PSD3: variants seen among roughly 807,000 people sequenced by gnomAD.
The protein encoded by PSD3 is PH and SEC7 domain-containing protein 3.
PSD3 carries 49 observed loss-of-function variants against 105.5 expected under a neutral mutation model. The ratio of observed to expected loss-of-function variants is 0.46; its 90% CI spans 0.37 to 0.59. The LOEUF is 0.59. Among genes scored for constraint, PSD3 ranks in the 20% least tolerant of loss-of-function variants. The pLI is 0.00. For missense variants in PSD3, 1,561 were observed against 1,263.8 expected, an observed-to-expected ratio of 1.24 and a Z score of -3.57; for synonymous variants, 557 against 457.8, an observed-to-expected ratio of 1.22 and a Z score of -2.77.
At chr8:18,651,896 T>C (rs1808507976) in intron 10 of PSD3, among the ~76,000 whole-genome samples, 1 of 152,098 alleles carries the variant, frequency 6.6e-6, no homozygotes, top group Non-Finnish European at 1.5e-5. Flanking sequence ...CTAATTAAAG[T>C]TTTACAGCAC....
chr8:18,592,082 C>T (rs907837191), intron 12 of PSD3, among the ~76,000 whole-genome samples: 3 of 151,696 alleles, frequency 2.0e-5, no homozygotes, highest in African/African-American at 7.3e-5. Flanking sequence ...AGAAATTGAC[C>T]GTAAAGAAAC....
intron 11 of PSD3, among the ~76,000 whole-genome samples, chr8:18,627,818 A>AAC (rs1806603225): frequency 6.6e-6 from 1 of 151,828 alleles, no homozygotes; most frequent in Admixed American, 6.6e-5. Context: ...GGAAAAAAAA[A>AAC]CCAACTATGA....
intron 4 of PSD3, chr8:18,849,809 T>G (rs1027246301): frequency 2.0e-5 from 3 of 152,204 alleles, no homozygotes; most frequent in African/African-American, 4.8e-5. Flanking sequence ...TAAGGTAAAC[T>G]GTTTCAACCA....
At chr8:18,752,573 ATAATTATATATATTATATATTATATATT>A (rs1805651696) in intron 9 of PSD3, among the ~76,000 whole-genome samples, 2 of 57,434 alleles carry the variant, frequency 3.5e-5, no homozygotes, top group East Asian at 5.1e-4. Flanking sequence ...TATTATATAT[ATAATTATATATATTATATATTATATATT>A]ATATATAATA....
At chr8:18,869,015 C>A (rs1414661288) in intron 3 of PSD3, among the ~76,000 whole-genome samples, 2 of 152,222 alleles carry the variant, frequency 1.3e-5, no homozygotes, top group African/African-American at 4.8e-5. Context: ...CCAGGTATTA[C>A]TGGAATCCAC....
intron 4 of PSD3, among the ~76,000 whole-genome samples, chr8:18,807,309 C>T (rs912229760): frequency 6.6e-6 from 1 of 152,220 alleles, no homozygotes; most frequent in African/African-American, 2.4e-5. Context: ...AAGTCTCATA[C>T]TCCCTCAACC....
intron 1 of PSD3, among the ~76,000 whole-genome samples, chr8:18,963,700 T>C (rs1348998908): frequency 1.3e-5 from 2 of 152,154 alleles, no homozygotes; most frequent in African/African-American, 4.8e-5. Context: ...AACAGCAATG[T>C]TTCAGGTATA....
rs184712885 is a variant in PSD3, at chr8:19,044,681, A to T, written c.324+39525T>A. On this transcript the variant is annotated intron_variant, in intron 1 of 1. Transcript: ENST00000521475. Reference sequence around the variant, plus strand: ...TTTGCTGTCTAATGAGAACAACGACATACAAATATAATTAAAACACAAATG... The same window carrying T: ...TTTGCTGTCTAATGAGAACAACGACTTACAAATATAATTAAAACACAAATG... Among the ~76,000 whole-genome samples the T allele has an allele frequency of 1.1e-3, 174 of 152,324 alleles. 1 individual carries two copies. Among genetic ancestry groups the T allele is most frequent in the African/African-American group, 4.0e-3 (165 of 41,566 alleles).
At chr8:18,743,915 G>C (rs555532484) in intron 9 of PSD3, among the ~76,000 whole-genome samples, 3 of 151,328 alleles carry the variant, frequency 2.0e-5, no homozygotes, top group Admixed American at 2.0e-4. Context: ...TGGTTGCATC[G>C]CTATATTGCA....
At chr8:18,546,181 G>C (rs968984200) in intron 15 of PSD3, among the ~76,000 whole-genome samples, 1 of 152,116 alleles carries the variant, frequency 6.6e-6, no homozygotes, top group Non-Finnish European at 1.5e-5. Flanking sequence ...ATTTTTAGTA[G>C]AGAAGGTATT....
chr8:19,027,862 G>A (rs769649114), intron 1 of PSD3, among the ~76,000 whole-genome samples: 20 of 152,126 alleles, frequency 1.3e-4, no homozygotes, highest in Non-Finnish European at 2.9e-4. Flanking sequence ...TTTGAGTACT[G>A]TCCAGTTTTG....
chr8:18,613,539 C>A (rs1051760289), intron 11 of PSD3, among the ~76,000 whole-genome samples: 1 of 150,584 alleles, frequency 6.6e-6, no homozygotes, highest in Non-Finnish European at 1.5e-5. Flanking sequence ...GACAAGAACC[C>A]CGTTTTTTTT....
Position 18,535,310 on chromosome 8 carries a change from AG to A in PSD3, c.*432del, listed in dbSNP as rs1337279051. The A allele has an allele frequency of 1.7e-5, 3 of 176,750 alleles. No individual in the cohort carries two copies. Among genetic ancestry groups the A allele is most frequent in the Admixed American group, 1.1e-4 (2 of 18,320 alleles). 10.9% of individuals were successfully genotyped at this position (176,750 alleles called of 1,614,324 possible). A position where few individuals can be genotyped will look rare whatever the true frequency, so the allele number is the denominator to read the frequency against. The stretch of plus-strand genomic sequence containing the variant: ...TGACTGGGCAAGATTTCACATATAA[AG>A]GCGTATATTAACTCCAGCTAGAATT... On this transcript the variant is annotated 3_prime_UTR_variant, in exon 16 of 16. Coordinates refer to ENST00000327040, the MANE Select transcript of PSD3 (RefSeq NM_015310.4).
intron 9 of PSD3, among the ~76,000 whole-genome samples, chr8:18,736,608 T>C (rs900217517): frequency 6.6e-6 from 1 of 152,070 alleles, no homozygotes; most frequent in African/African-American, 2.4e-5. Flanking sequence ...GGGGCTGTAG[T>C]TCAACTCCAG....
chr8:18,774,453 G>T, intron 8 of PSD3: 1 of 210,476 alleles, frequency 4.8e-6, no homozygotes, highest in Non-Finnish European at 9.5e-6. Flanking sequence ...CTGCAGTACT[G>T]AACAATACAT....
chr8:18,677,791 A>G (rs1271015871), intron 9 of PSD3, among the ~76,000 whole-genome samples: 2 of 152,130 alleles, frequency 1.3e-5, no homozygotes, highest in Non-Finnish European at 2.9e-5. Flanking sequence ...CGGCCAGATC[A>G]CGAGGTCAGG....
intron 1 of PSD3, 78 bp from the exon 2 acceptor site, chr8:18,936,220 T>A: frequency 2.2e-6 from 2 of 929,036 alleles, no homozygotes; most frequent in Non-Finnish European, 3.4e-6. Context: ...TTATCCAACA[T>A]GAGATTGGTA....
At chr8:18,928,006 A>C (rs576270401) in intron 2 of PSD3, among the ~76,000 whole-genome samples, 9 of 152,308 alleles carry the variant, frequency 5.9e-5, no homozygotes, top group African/African-American at 2.2e-4. Context: ...CTGTATACCC[A>C]AAAGAAATGA....
chr8:18,965,345 T>C (rs1314183286), intron 1 of PSD3, among the ~76,000 whole-genome samples: 1 of 152,134 alleles, frequency 6.6e-6, no homozygotes, highest in African/African-American at 2.4e-5. Flanking sequence ...GAGAAGTTCC[T>C]CCAGCTGAAA....
Sources: gnomAD v4.1 joint callset for allele counts (sites outside exome capture counted in the v4.1 genomes callset) on GRCh38, gnomAD v4.1.1 for gene constraint, MANE v1.5 for transcripts, NCBI Gene and HGNC (gene_info 2026-07-23, HGNC 2026-07-21) for gene names.